The following FHOD3 variants were observed in gnomAD, a reference collection of about 807,000 sequenced individuals.
FHOD3 encodes the protein formin homology 2 domain containing 3, also known as FH1/FH2 domain-containing protein 3.
A neutral mutation model predicts 173.0 loss-of-function variants in FHOD3; 90 were observed. The observed-to-expected ratio is 0.52, with a 90% CI of 0.44 to 0.62. The LOEUF (loss-of-function observed/expected upper bound fraction) is 0.62. Ranked by LOEUF, FHOD3 falls within the 20% of genes least tolerant of loss-of-function variation. FHOD3 has a pLI of 0.00. For synonymous variants in FHOD3, 828 were observed against 823.0 expected (o/e 1.01, Z -0.10); for missense variants, 1,945 against 2,034.7 (o/e 0.96, Z 0.85).
chr18:36,615,012 A>G lies in FHOD3; in HGVS notation c.957+2917A>G, dbSNP rs529943191. The stretch of plus-strand genomic sequence containing the variant: ...ACTACAGGCATGTGCCACCACGCCC[A>G]GCTAATTTTGTGTTTTTGGTAGAGA... On this transcript the variant is annotated intron_variant, in intron 9 of 28. Coordinates refer to ENST00000590592, the MANE Select transcript of FHOD3 (RefSeq NM_001281740.3). Among the ~76,000 whole-genome samples the G allele has an allele frequency of 3.3e-5, 5 of 151,968 alleles. No homozygotes were observed. The South Asian group carries it at 1.0e-3, about 32-fold the overall frequency.
chr18:36,639,555 C>T (rs998569652), intron 10 of FHOD3, among the ~76,000 whole-genome samples: 10 of 151,612 alleles, frequency 6.6e-5, no homozygotes, highest in Admixed American at 2.0e-4. Flanking sequence ...CCCACCTACT[C>T]GGGAGGCTGA....
chr18:36,749,713 G>A (rs988811130), intron 24 of FHOD3, among the ~76,000 whole-genome samples: 4 of 152,138 alleles, frequency 2.6e-5, no homozygotes, highest in African/African-American at 9.7e-5. Flanking sequence ...TGGGATTGCT[G>A]GGTCGAATGG....
At chr18:36,368,915 C>T (rs1401487468) in intron 2 of FHOD3, among the ~76,000 whole-genome samples, 1 of 152,148 alleles carries the variant, frequency 6.6e-6, no homozygotes, top group Non-Finnish European at 1.5e-5. Flanking sequence ...AGGTCCCTCC[C>T]TCACACCTGG....
intron 1 of FHOD3, among the ~76,000 whole-genome samples, chr18:36,311,835 A>T (rs1364356914): frequency 6.6e-6 from 1 of 151,876 alleles, no homozygotes; most frequent in Non-Finnish European, 1.5e-5. Context: ...GGGAGGGGGG[A>T]CAGGTGCGCC....
rs2055049158 is a variant in FHOD3, at chr18:36,501,868, G to A, written c.338-64G>A. On this transcript the variant is annotated intron_variant, in intron 3 of 28. Coordinates refer to ENST00000590592, the MANE Select transcript of FHOD3 (RefSeq NM_001281740.3). ...ATAGTTTTGTTATCATTCATATCCT[G>A]TCTGTGTTTTCACTGTCAATAGAGT... is the stretch of plus-strand genomic sequence containing the variant. The A allele has an allele frequency of 8.8e-6, 10 of 1,140,268 alleles. No individual in the cohort carries two copies. In the Admixed American group the frequency reaches 1.1e-4, roughly 13 times the overall value. The allele number at this position is 1,140,268 out of a possible 1,614,324, so 70.6% of individuals were successfully genotyped here. A position where few individuals can be genotyped will look rare whatever the true frequency, so the allele number is the denominator to read the frequency against.
intron 3 of FHOD3, among the ~76,000 whole-genome samples, chr18:36,388,599 G>C (rs2048140749): frequency 6.6e-6 from 1 of 152,152 alleles, no homozygotes; most frequent in Non-Finnish European, 1.5e-5. Flanking sequence ...GATCTGTGTG[G>C]CATTCCCAAT....
chr18:36,324,861 G>A (rs1407673640), intron 1 of FHOD3, among the ~76,000 whole-genome samples: 4 of 152,058 alleles, frequency 2.6e-5, no homozygotes, highest in Non-Finnish European at 5.9e-5. Flanking sequence ...GTATATATAT[G>A]TGCCCCAAAA....
At chr18:36,543,699 C>T (rs961349691) in intron 5 of FHOD3, among the ~76,000 whole-genome samples, 3 of 152,202 alleles carry the variant, frequency 2.0e-5, no homozygotes, top group Admixed American at 6.5e-5. Flanking sequence ...TGGCCTCACA[C>T]TGAGGCCCAG....
chr18:36,486,049 C>T (rs990172365), intron 3 of FHOD3, among the ~76,000 whole-genome samples: 2 of 152,200 alleles, frequency 1.3e-5, no homozygotes, highest in African/African-American at 4.8e-5. Context: ...TCCTGTTAGA[C>T]TCTAAGTTCC....
At chr18:36,602,531 T>G (rs1005114745) in intron 7 of FHOD3, 143 bp from the exon 8 acceptor site, 3 of 707,108 alleles carry the variant, frequency 4.2e-6, no homozygotes, top group Non-Finnish European at 7.7e-6. Context: ...AAATCCATCC[T>G]AAGGATAATG....
intron 15 of FHOD3, among the ~76,000 whole-genome samples, chr18:36,683,062 A>G (rs1472413268): frequency 6.6e-6 from 1 of 152,220 alleles, no homozygotes; most frequent in South Asian, 2.1e-4. Flanking sequence ...AAGTAAACCA[A>G]CATCATTTCC....
intron 20 of FHOD3, among the ~76,000 whole-genome samples, chr18:36,731,071 T>C (rs1238738842): frequency 6.6e-6 from 1 of 152,204 alleles, no homozygotes; most frequent in East Asian, 1.9e-4. Flanking sequence ...AAGACTATGA[T>C]AACCTCCTTG....
At chr18:36,330,350 G>A (rs540309673) in intron 1 of FHOD3, among the ~76,000 whole-genome samples, 1 of 152,206 alleles carries the variant, frequency 6.6e-6, no homozygotes, top group Non-Finnish European at 1.5e-5. Flanking sequence ...AATAACATTT[G>A]TGAAAGCATT....
chr18:36,510,018 G>T (rs1232514428), intron 4 of FHOD3, among the ~76,000 whole-genome samples: 1 of 152,180 alleles, frequency 6.6e-6, no homozygotes, highest in Non-Finnish European at 1.5e-5. Flanking sequence ...GGTGCTGTCT[G>T]GGCATGGATC....
intron 13 of FHOD3, among the ~76,000 whole-genome samples, chr18:36,654,080 C>T (rs577474435): frequency 6.6e-6 from 1 of 151,996 alleles, no homozygotes; most frequent in Non-Finnish European, 1.5e-5. Context: ...CAGTCACTTT[C>T]TCTCCTTACT....
intron 3 of FHOD3, among the ~76,000 whole-genome samples, chr18:36,390,899 A>G (rs11081947): frequency 0.22 from 32,737 of 152,188 alleles, 4,115 homozygotes; most frequent in East Asian, 0.67. Context: ...TAATCCGTAA[A>G]TGAATCCAAC....
chr18:36,601,226 G>A (rs2031335475), intron 7 of FHOD3, among the ~76,000 whole-genome samples: 1 of 152,220 alleles, frequency 6.6e-6, no homozygotes, highest in Non-Finnish European at 1.5e-5. Flanking sequence ...AGATTGCCCA[G>A]TTCTGACTGG....
chr18:36,693,291 C>T lies in FHOD3; in HGVS notation c.2104C>T (p.Leu702Phe), dbSNP rs2039071868. 1 of 1,613,746 alleles carries T rather than the reference C, an allele frequency of 6.2e-7. No individual in the cohort carries two copies. The highest frequency in any genetic ancestry group is 1.7e-5 in the Admixed American group (1 of 59,996). ...SRSVSRGRAD[L>F]SLDLTSPAAP... is the part of the protein sequence containing the mutation. The stretch of plus-strand genomic sequence containing the variant: ...GAGTGTGAGCCGGGGCAGAGCCGAC[C>T]TCTCCTTGGACCTGACCTCGCCAGC... Residue 702 changes from leucine (L) to phenylalanine (F), a missense_variant, in exon 17 of 29, where the codon CTC (leucine) becomes TTC (phenylalanine). Physicochemically the swap from Leu to Phe is conservative, Grantham distance 22. Transcript: ENST00000590592.
At chr18:36,724,074 G>A (rs1017482169) in intron 19 of FHOD3, among the ~76,000 whole-genome samples, 1 of 152,162 alleles carries the variant, frequency 6.6e-6, no homozygotes, top group Admixed American at 6.5e-5. Flanking sequence ...AATCAAGTTT[G>A]AGTCTTTACT....
Sources: allele counts gnomAD v4.1 joint callset (sites outside exome capture counted in the v4.1 genomes callset), GRCh38; gene constraint gnomAD v4.1.1; transcripts MANE v1.5; gene names NCBI Gene and HGNC (gene_info 2026-07-23, HGNC 2026-07-21).